Variants in SHANK1 observed in about 807,000 individuals in gnomAD.
SHANK1 encodes SH3 and multiple ankyrin repeat domains 1.
In SHANK1, 35 loss-of-function variants were observed where a neutral mutation model predicts 165.6. The observed-to-expected ratio is 0.21, with a 90% confidence interval of 0.16 to 0.28. The LOEUF is 0.28. Among genes scored for constraint, SHANK1 ranks in the 10% least tolerant of loss-of-function variants. The pLI, the probability that SHANK1 is intolerant of heterozygous loss-of-function variation, is 1.00. For missense variants in SHANK1, 2,681 were observed against 3,036.4 expected, an observed-to-expected ratio of 0.88 and a Z score of 2.75; for synonymous variants, 1,428 against 1,384.8, an observed-to-expected ratio of 1.03 and a Z score of -0.69.
intron 8 of SHANK1, among the ~76,000 whole-genome samples, chr19:50,706,260 AT>A (rs1451549601): frequency 1.3e-5 from 2 of 152,152 alleles, no homozygotes; most frequent in Non-Finnish European, 2.9e-5. Flanking sequence ...TTCTATCTTA[AT>A]CACACTTTCT....
At chr19:50,687,139 G>T in intron 19 of SHANK1, 1 of 668,816 alleles carries the variant, frequency 1.5e-6, no homozygotes, top group Non-Finnish European at 2.4e-6. Context: ...GGGGCCCCGG[G>T]GTGGGGGCGG....
At position 50,686,378 on chromosome 19, in the gene SHANK1, A is replaced by G; in HGVS notation, c.2459-23T>C. ...TGTCTAGGGGTAGATGAATGAACAG[A>G]GGTGGGAAGACAATGAAATGAAGTT... On this transcript the variant is annotated intron_variant, in intron 20 of 23. Coordinates refer to ENST00000293441, the MANE Select transcript of SHANK1 (RefSeq NM_016148.5). The surrounding 1 kb of genome is among the most constrained non-coding windows in gnomAD (Gnocchi z 5.7). 1 of 1,477,946 alleles carries G rather than the reference A, an allele frequency of 6.8e-7. No individual in the cohort carries two copies. The highest frequency in any genetic ancestry group is 9.3e-7 in the Non-Finnish European group (1 of 1,079,740). The allele number at this position is 1,477,946 out of a possible 1,614,324, so 91.6% of individuals were successfully genotyped here.
chr19:50,703,649 G>T lies in SHANK1; in HGVS notation c.1404C>A (p.Ser468=). The T allele has an allele frequency of 6.6e-7, 1 of 1,524,308 alleles. No individual in the cohort carries two copies. The highest frequency in any genetic ancestry group is 2.4e-5 in the East Asian group (1 of 41,882). The allele number at this position is 1,524,308 out of a possible 1,614,324, so 94.4% of individuals were successfully genotyped here. ...GGGCCGAGGGCTGCGACTGGCCCTG[G>T]GACCCTGAGGTAGGGCCAGGGGCCC... The part of the protein sequence containing the change: ...SSGAPGPTSG[S]QGQSQPSAPT... The change falls in exon 11 of 24, where the codon TCC becomes TCA. Residue 468 remains serine, a synonymous_variant. Transcript: ENST00000293441.
At position 50,667,253 on chromosome 19, in the gene SHANK1, C is replaced by T. The variant is rs767402902; in HGVS notation, c.4707G>A (p.Pro1569=). The change falls in exon 23 of 24, where the codon CCG becomes CCA. Residue 1569 remains proline, a synonymous_variant. Coordinates refer to ENST00000293441, the MANE Select transcript of SHANK1 (RefSeq NM_016148.5). This position sits in a 1 kb window ranked among gnomAD's most constrained non-coding sequence, Gnocchi z 5.7. ...CGAAGCTGTTGGAGAATTCCAGAGG[C>T]GGAGGCAGCGGTTCCACGAAAAGGA... ...GEFLFVEPLP[P]PLEFSNSFEK... 3.8e-6 allele frequency: 6 copies of T among 1,593,642 alleles called. No homozygotes were observed. The highest frequency in any genetic ancestry group is 1.7e-5 in the Admixed American group (1 of 59,084).
intron 15 of SHANK1, among the ~76,000 whole-genome samples, chr19:50,696,068 C>T (rs747766737): frequency 4.9e-4 from 75 of 152,220 alleles, no homozygotes; most frequent in Middle Eastern, 3.4e-3. Flanking sequence ...CACAGCAGCA[C>T]GTGGGAGCCA....
Position 50,704,616 on chromosome 19 carries a change from C to T in SHANK1, c.1078-102G>A. On this transcript the variant is annotated intron_variant, in intron 8 of 23. Coordinates refer to ENST00000293441, the MANE Select transcript of SHANK1 (RefSeq NM_016148.5). ...GTGCTAAGAGCCTCAGGAATAAATA[C>T]TCCACCCTAAACCCGCACCACTGAG... The T allele has an allele frequency of 3.8e-6, 4 of 1,059,694 alleles. No homozygotes were observed. In the South Asian group the frequency reaches 5.3e-5, roughly 14 times the overall value. The allele number at this position is 1,059,694 out of a possible 1,614,324, so 65.6% of individuals were successfully genotyped here.
intron 8 of SHANK1, among the ~76,000 whole-genome samples, chr19:50,705,202 C>T (rs1370807202): frequency 6.6e-6 from 1 of 150,964 alleles, no homozygotes; most frequent in Non-Finnish European, 1.5e-5. Flanking sequence ...ATTAGCCAGG[C>T]GTGGTGGTGG....
At chr19:50,681,390 C>T (rs1244046077) in intron 21 of SHANK1, among the ~76,000 whole-genome samples, 1 of 152,120 alleles carries the variant, frequency 6.6e-6, no homozygotes, top group African/African-American at 2.4e-5. Context: ...TCCCAGAACT[C>T]AGGTGAGTGC....
In SHANK1 at chr19:50,716,654, C is replaced by T. The variant is rs1240213405; in HGVS notation, c.255+11G>A. 3.2e-6 allele frequency: 5 copies of T among 1,559,882 alleles called. No homozygotes were observed. Among genetic ancestry groups the T allele is most frequent in the Non-Finnish European group, 4.3e-6 (5 of 1,152,132 alleles). On this transcript the variant is annotated intron_variant, in intron 2 of 23. Coordinates refer to ENST00000293441, the MANE Select transcript of SHANK1 (RefSeq NM_016148.5). The surrounding 1 kb of genome is among the most constrained non-coding windows in gnomAD (Gnocchi z 8.4). The stretch of plus-strand genomic sequence containing the variant: ...CCCTCTCCTGCCGCTGGCCAGTGGG[C>T]AGGTACTCACTGTCTGGTGCAGGTC...
At chr19:50,666,124 C>A in intron 23 of SHANK1, 68 bp downstream of exon 23, 1 of 1,438,732 alleles carries the variant, frequency 7.0e-7, no homozygotes, top group Non-Finnish European at 9.2e-7. Flanking sequence ...CACCCTGAGA[C>A]CCTAAAGGGA....
intron 15 of SHANK1, among the ~76,000 whole-genome samples, chr19:50,696,616 C>A (rs1373008577): frequency 6.6e-6 from 1 of 152,086 alleles, no homozygotes. Context: ...CTGGAATCCT[C>A]CCCTCCTCTG....
At chr19:50,679,525 CGCA>C (rs1986104839) in intron 21 of SHANK1, among the ~76,000 whole-genome samples, 1 of 152,144 alleles carries the variant, frequency 6.6e-6, no homozygotes, top group Non-Finnish European at 1.5e-5. Flanking sequence ...TTCGCTCCCG[CGCA>C]GAAGGGACAG....
At chr19:50,710,412 G>A (rs1364236196) in intron 8 of SHANK1, among the ~76,000 whole-genome samples, 5 of 152,146 alleles carry the variant, frequency 3.3e-5, no homozygotes, top group African/African-American at 4.8e-5. Context: ...TCATGCTAGC[G>A]CCTGTCTCTC....
In SHANK1 at chr19:50,669,100, A is replaced by T; in HGVS notation, c.2860T>A (p.Phe954Ile). ...RLTPSPRGGP[F>I]NPGSGGPLPA... is the part of the protein sequence containing the mutation. ...AGGGGGCCACCAGAGCCAGGGTTGA[A>T]GGGCCCTCCCCGAGGGGAGGGGGTG... Residue 954 changes from phenylalanine to isoleucine, a missense_variant, in exon 23 of 24, where the codon TTC becomes ATC. This residue lies in a region of SHANK1 where 1,713 missense variants were observed against 1,630.2 expected (regional missense o/e 1.05). Coordinates refer to ENST00000293441, the MANE Select transcript of SHANK1 (RefSeq NM_016148.5). 1 of 1,401,894 alleles carries T rather than the reference A, an allele frequency of 7.1e-7. No individual in the cohort carries two copies. The highest frequency in any genetic ancestry group is 9.4e-7 in the Non-Finnish European group (1 of 1,064,606). 86.8% of individuals were successfully genotyped at this position (1,401,894 alleles called of 1,614,324 possible). A position where few individuals can be genotyped will look rare whatever the true frequency, so the allele number is the denominator to read the frequency against.
rs1385762614 is a variant in SHANK1, at chr19:50,662,843, G to A, written c.5769-161C>T. Among the ~76,000 whole-genome samples the A allele has an allele frequency of 6.6e-6, 1 of 151,974 alleles. No individual in the cohort carries two copies. Among genetic ancestry groups the A allele is most frequent in the African/African-American group, 2.4e-5 (1 of 41,344 alleles). ...CGGGAAGAAATGGAGGGAGCAAGGG[G>A]TAAGACGGCCGGCCGTCGAGGAAAG... is the stretch of plus-strand genomic sequence containing the variant. On this transcript the variant is annotated intron_variant, in intron 23 of 23. Coordinates refer to ENST00000293441, the MANE Select transcript of SHANK1 (RefSeq NM_016148.5). This position sits in a 1 kb window ranked among gnomAD's most constrained non-coding sequence, Gnocchi z 7.7.
rs760346385 is a variant in SHANK1, at chr19:50,688,961, G to A, written c.2055C>T (p.Thr685=). The A allele has an allele frequency of 1.3e-6, 2 of 1,547,510 alleles. No individual in the cohort carries two copies. Among genetic ancestry groups the A allele is most frequent in the Non-Finnish European group, 1.7e-6 (2 of 1,143,226 alleles). ...GGGTGGGGGTGAACTCCTCGATGGG[G>A]GTCTGCGCTGCAGACAGGGAGGAGC... ...GFVLRGAKAQ[T]PIEEFTPTPA... is the part of the protein sequence containing the mutation. Residue 685 remains threonine, a synonymous_variant, in exon 17 of 24, where the codon ACC becomes ACT. Transcript: ENST00000293441. This position sits in a 1 kb window ranked among gnomAD's most constrained non-coding sequence, Gnocchi z 6.7.
At position 50,672,229 on chromosome 19, in the gene SHANK1, C is replaced by A. The variant is rs967776250; in HGVS notation, c.2578-115G>T. 7.1e-6 allele frequency: 6 copies of A among 840,650 alleles called. No individual in the cohort carries two copies. In the African/African-American group the frequency reaches 1.0e-4, roughly 14 times the overall value. The allele number at this position is 840,650 out of a possible 1,614,324, so 52.1% of individuals were successfully genotyped here. A position where few individuals can be genotyped will look rare whatever the true frequency, so the allele number is the denominator to read the frequency against. ...CCCCCATTCCTTCCCTAAGCCCCTGCCGTAAGGGAGAGCAGTGTGAAGACG... is the reference window on the plus strand; with the variant it reads ...CCCCCATTCCTTCCCTAAGCCCCTGACGTAAGGGAGAGCAGTGTGAAGACG... On this transcript the variant is annotated intron_variant, in intron 21 of 23. Transcript: ENST00000293441.
intron 9 of SHANK1, 101 bp downstream of exon 9, chr19:50,704,336 T>C: frequency 1.5e-6 from 2 of 1,340,792 alleles, no homozygotes; most frequent in East Asian, 4.6e-5. Flanking sequence ...CCACGGCCTG[T>C]CTCCTTGCTT....
chr19:50,673,148 C>T (rs906772078), intron 21 of SHANK1, among the ~76,000 whole-genome samples: 2 of 152,104 alleles, frequency 1.3e-5, no homozygotes, highest in African/African-American at 4.8e-5. Flanking sequence ...AGCCGGGGTG[C>T]CCAGCCTGAC....
Sources: gnomAD v4.1 joint callset for allele counts (sites outside exome capture counted in the v4.1 genomes callset) on GRCh38, gnomAD v4.1.1 for gene constraint, gnomAD v4.1.1 regional missense constraint, Gnocchi (gnomAD v3.1) non-coding constraint, MANE v1.5 for transcripts, NCBI Gene and HGNC (gene_info 2026-07-23, HGNC 2026-07-21) for gene names.